AKT1S1: variants seen among roughly 807,000 people sequenced by gnomAD.
AKT1S1 encodes proline-rich AKT1 substrate 1.
Under a neutral mutation model 21.2 loss-of-function variants are expected in AKT1S1, and 17 were observed. That is an observed-to-expected ratio of 0.80 (90% CI 0.55 to 1.20). The LOEUF (loss-of-function observed/expected upper bound fraction) is 1.20, where lower values mean the gene tolerates loss of function less well. AKT1S1 is among the 50% of genes most tolerant of loss of function. The probability of loss-of-function intolerance (pLI) is 0.00; values close to 1 mark genes in which losing one functional copy is unlikely to be tolerated. For missense variants in AKT1S1, 366 were observed against 368.3 expected (o/e 0.99, Z 0.05); for synonymous variants, 181 against 165.6 (o/e 1.09, Z -0.72).
At position 49,869,608 on chromosome 19, in the gene AKT1S1, C is replaced by T; in HGVS notation, c.*309G>A. 1 of 278,646 alleles carries T rather than the reference C, an allele frequency of 3.6e-6. No homozygotes were observed. Among genetic ancestry groups the T allele is most frequent in the Non-Finnish European group, 6.7e-6 (1 of 148,882 alleles). The allele number at this position is 278,646 out of a possible 1,614,324, so 17.3% of individuals were successfully genotyped here. A position where few individuals can be genotyped will look rare whatever the true frequency, so the allele number is the denominator to read the frequency against. ...TGCGAGCAAATCCCTTGTCGCTAGG[C>T]GGAAAACAAAGGAGTTGACCCATTT... On this transcript the variant is annotated 3_prime_UTR_variant, in exon 5 of 5. Coordinates refer to ENST00000344175, the MANE Select transcript of AKT1S1 (RefSeq NM_001098633.4).
At chr19:49,878,210 T>C (rs761559919), upstream of AKT1S1, 4 of 1,563,950 alleles carry the variant, frequency 2.6e-6, no homozygotes, top group East Asian at 2.4e-5. Flanking sequence ...CGAGACTCTC[T>C]CATCGCTGGT....
chr19:49,875,166 A>G (rs2074925821), intron 1 of AKT1S1: 1 of 152,258 alleles, frequency 6.6e-6, no homozygotes, highest in Non-Finnish European at 1.5e-5. Context: ...AGCATCTTGA[A>G]GGGCCACAAC....
rs746504241 is a variant in AKT1S1 at position 49,871,538 on chromosome 19, G to T, written c.627+9C>A. 1 of 1,613,774 alleles carries T rather than the reference G, an allele frequency of 6.2e-7. No homozygotes were observed. On this transcript the variant is annotated intron_variant, in intron 4 of 4. Coordinates refer to ENST00000344175, the MANE Select transcript of AKT1S1 (RefSeq NM_001098633.4). ...CTGCCCTCCCTACCTCCCCACATTT[G>T]CCCCTCACCGGCCCATTCTCCTCAT...
rs2074851158 is a variant in AKT1S1, at chr19:49,869,172, C to T, written c.*745G>A. 2.6e-5 allele frequency: 4 copies of T among 152,490 alleles called. No individual in the cohort carries two copies. The highest frequency in any genetic ancestry group is 9.6e-5 in the African/African-American group (4 of 41,464). 9.4% of individuals were successfully genotyped at this position (152,490 alleles called of 1,614,324 possible). On this transcript the variant is annotated 3_prime_UTR_variant, in exon 5 of 5. Coordinates refer to ENST00000344175, the MANE Select transcript of AKT1S1 (RefSeq NM_001098633.4). ...CCCCCCACCTTGGGTGGACGAGGGC[C>T]CTTTAAGGCACCTGTGGAGGTGGGG...
At chr19:49,877,827 T>A, upstream of AKT1S1, 1 of 1,472,462 alleles carries the variant, frequency 6.8e-7, no homozygotes, top group Non-Finnish European at 9.2e-7. Context: ...AGGCCTTGGC[T>A]CTCGAGAATC....
In AKT1S1 at chr19:49,871,736, T is replaced by C; in HGVS notation, c.458-20A>G. 2.5e-6 allele frequency: 4 copies of C among 1,611,468 alleles called. No homozygotes were observed. Among genetic ancestry groups the C allele is most frequent in the Non-Finnish European group, 3.4e-6 (4 of 1,178,264 alleles). ...TGCCATCTGAAAGAGAGGGTGGACT[T>C]CAGCTTCTGTCCCTGCCTTTGTGTC... On this transcript the variant is annotated intron_variant, in intron 3 of 4. Transcript: ENST00000344175.
At chr19:49,878,116 A>C (rs1458981886), upstream of AKT1S1, 2 of 1,550,640 alleles carry the variant, frequency 1.3e-6, no homozygotes, top group East Asian at 2.4e-5. Context: ...CTTGGGCCCC[A>C]GCCCTCGCTG....
At position 49,872,967 on chromosome 19, in the gene AKT1S1, G is replaced by A; in HGVS notation, c.329C>T (p.Pro110Leu). The change falls in exon 2 of 5, where the codon CCC becomes CTC. Residue 110 changes from proline (P) to leucine (L), a missense_variant. Coordinates refer to ENST00000344175, the MANE Select transcript of AKT1S1 (RefSeq NM_001098633.4). ...CTCCCCGGAGGTCTCTGTCTCTGTGGGCTCATCCTCGTCCTCCTCGTTGTC... is the reference window on the plus strand; with the variant it reads ...CTCCCCGGAGGTCTCTGTCTCTGTGAGCTCATCCTCGTCCTCCTCGTTGTC... ...REDNEEDEDE[P>L]TETETSGEQL... 6.2e-7 allele frequency: 1 copy of A among 1,603,882 alleles called. No homozygotes were observed. Among genetic ancestry groups the A allele is most frequent in the Non-Finnish European group, 8.5e-7 (1 of 1,177,204 alleles).
rs778989505 is a variant in AKT1S1, at chr19:49,873,287, C to T, written c.9G>A (p.Ser3=). The change falls in exon 2 of 5, where the codon TCG becomes TCA. Residue 3 remains serine (S), a synonymous_variant. Coordinates refer to ENST00000344175, the MANE Select transcript of AKT1S1 (RefSeq NM_001098633.4). The surrounding 1 kb of genome is among the most constrained non-coding windows in gnomAD (Gnocchi z 6.9). MA[S]GRPEELWEAV... ...CCTCCCACAGCTCCTCGGGGCGCCC[C>T]GACGCCATCCGCGCCCTGCGGGCCA... 9.3e-6 allele frequency: 14 copies of T among 1,506,092 alleles called. No homozygotes were observed. Among genetic ancestry groups the T allele is most frequent in the East Asian group, 5.3e-5 (2 of 37,524 alleles). The allele number at this position is 1,506,092 out of a possible 1,614,324, so 93.3% of individuals were successfully genotyped here.
At position 49,869,754 on chromosome 19, in the gene AKT1S1, G is replaced by T; in HGVS notation, c.*163C>A. The stretch of plus-strand genomic sequence containing the variant: ...CGCTCCTCGGCGCGGCAGGTCGTGG[G>T]CTGGAAGGACGGCGGGGATTGGCAG... On this transcript the variant is annotated 3_prime_UTR_variant, in exon 5 of 5. Coordinates refer to ENST00000344175, the MANE Select transcript of AKT1S1 (RefSeq NM_001098633.4). 1.2e-6 allele frequency: 1 copy of T among 845,674 alleles called. No homozygotes were observed. Among genetic ancestry groups the T allele is most frequent in the South Asian group, 2.5e-5 (1 of 39,224 alleles). 52.4% of individuals were successfully genotyped at this position (845,674 alleles called of 1,614,324 possible).
intron 1 of AKT1S1, chr19:49,876,674 G>A: frequency 6.8e-7 from 1 of 1,475,216 alleles, no homozygotes; most frequent in Non-Finnish European, 9.0e-7. Context: ...CTTGCGTCAC[G>A]TCCGCGCAGT....
intron 1 of AKT1S1, chr19:49,875,987 G>A (rs147423541): frequency 1.0e-6 from 1 of 985,458 alleles, no homozygotes; most frequent in African/African-American, 1.7e-5. Flanking sequence ...AGGAAAGTGA[G>A]ACGTGTTCCC....
chr19:49,877,691 G>A (rs1448479674), upstream of AKT1S1: 7 of 1,597,128 alleles, frequency 4.4e-6, no homozygotes, highest in East Asian at 6.8e-5. Context: ...AGGAAAAGGA[G>A]GAGGCGGGGC....
At position 49,873,565 on chromosome 19, in the gene AKT1S1, C is replaced by T. The variant is rs2074909976; in HGVS notation, c.-7-263G>A. The T allele has an allele frequency of 3.7e-5, 21 of 560,722 alleles. No individual in the cohort carries two copies. In the East Asian group the frequency reaches 8.1e-4, roughly 22 times the overall value. The allele number at this position is 560,722 out of a possible 1,614,324, so 34.7% of individuals were successfully genotyped here. A position where few individuals can be genotyped will look rare whatever the true frequency, so the allele number is the denominator to read the frequency against. ...CTGTACTCCTTCCCCTTTGGCCCTG[C>T]CCTGGCCTCTGTGGGAGCCGCCAGC... On this transcript the variant is annotated intron_variant, in intron 1 of 4. Transcript: ENST00000344175. The surrounding 1 kb of genome is among the most constrained non-coding windows in gnomAD (Gnocchi z 6.9).
At position 49,873,643 on chromosome 19, in the gene AKT1S1, A is replaced by G. The variant is rs1207490926; in HGVS notation, c.-7-341T>C. The G allele has an allele frequency of 7.0e-6, 2 of 286,706 alleles. No homozygotes were observed. The highest frequency in any genetic ancestry group is 6.5e-6 in the Non-Finnish European group (1 of 154,512). The allele number at this position is 286,706 out of a possible 1,614,324, so 17.8% of individuals were successfully genotyped here. A position where few individuals can be genotyped will look rare whatever the true frequency, so the allele number is the denominator to read the frequency against. ...GCAGGGAGTCCTAGCAGAGAGTCCTAGCAGAGAGGCCTCTAACAATAAAAC... is the reference window on the plus strand; with the variant it reads ...GCAGGGAGTCCTAGCAGAGAGTCCTGGCAGAGAGGCCTCTAACAATAAAAC... On this transcript the variant is annotated intron_variant, in intron 1 of 4. Coordinates refer to ENST00000344175, the MANE Select transcript of AKT1S1 (RefSeq NM_001098633.4). This position sits in a 1 kb window ranked among gnomAD's most constrained non-coding sequence, Gnocchi z 6.9.
At chr19:49,875,476 G>A (rs1232388417) in intron 1 of AKT1S1, among the ~76,000 whole-genome samples, 1 of 152,314 alleles carries the variant, frequency 6.6e-6, no homozygotes, top group East Asian at 1.9e-4. Context: ...GAACTGGGGG[G>A]TACCCGGTGT....
upstream of AKT1S1, chr19:49,877,858 C>A: frequency 7.6e-7 from 1 of 1,316,794 alleles, no homozygotes; most frequent in Non-Finnish European, 1.0e-6. Context: ...TTGGCAAACA[C>A]CGATCTCTTA....
chr19:49,875,618 C>G (rs2074930954), intron 1 of AKT1S1, among the ~76,000 whole-genome samples: 1 of 152,218 alleles, frequency 6.6e-6, no homozygotes, highest in African/African-American at 2.4e-5. Context: ...CCTCCAGCCC[C>G]TAATGACATG....
chr19:49,872,977 C>A lies in AKT1S1; in HGVS notation c.319G>T (p.Glu107Ter). 6.3e-7 allele frequency: 1 copy of A among 1,599,714 alleles called. No homozygotes were observed. Among genetic ancestry groups the A allele is most frequent in the Non-Finnish European group, 8.5e-7 (1 of 1,174,778 alleles). The stretch of plus-strand genomic sequence containing the variant: ...GTCTCTGTCTCTGTGGGCTCATCCT[C>A]GTCCTCCTCGTTGTCCTCTCTGGCC... ...TLAREDNEED[E>*]DEPTETETSG... Residue 107 changes from glutamate (E) to a stop codon, truncating the protein, a stop_gained, in exon 2 of 5, where the codon GAG becomes TAG. Transcript: ENST00000344175. LOFTEE classifies it high-confidence loss of function.
Sources: gnomAD v4.1 joint callset for allele counts (sites outside exome capture counted in the v4.1 genomes callset) on GRCh38, gnomAD v4.1.1 for gene constraint, Gnocchi (gnomAD v3.1) non-coding constraint, MANE v1.5 for transcripts, NCBI Gene and HGNC (gene_info 2026-07-23, HGNC 2026-07-21) for gene names.